Variants in CDH2 observed in about 807,000 individuals in gnomAD.
CDH2 encodes the protein cadherin 2.
In CDH2, 17 loss-of-function variants were observed where a neutral mutation model predicts 92.0. The observed-to-expected ratio is 0.18, with a 90% CI of 0.13 to 0.28. The LOEUF (loss-of-function observed/expected upper bound fraction) is 0.28, where lower values mean the gene tolerates loss of function less well. CDH2 is among the 10% of genes least tolerant of loss of function. CDH2 has a pLI of 1.00. For missense variants in CDH2, 862 were observed against 1,133.1 expected (o/e 0.76, Z 3.44); for synonymous variants, 419 against 415.9 (o/e 1.01, Z -0.09).
intron 2 of CDH2, among the ~76,000 whole-genome samples, chr18:28,066,102 T>C (rs17468601): frequency 0.024 from 3,671 of 152,284 alleles, 63 homozygotes; most frequent in East Asian, 0.053. Flanking sequence ...TGTGTCACAA[T>C]GCTCTCTGAT....
intron 2 of CDH2, among the ~76,000 whole-genome samples, chr18:28,110,614 G>A (rs1018157677): frequency 6.6e-6 from 1 of 152,108 alleles, no homozygotes. Context: ...GTGGGATCAT[G>A]AATATAGATG....
chr18:28,084,298 G>A (rs1052777116), intron 2 of CDH2, among the ~76,000 whole-genome samples: 2 of 152,054 alleles, frequency 1.3e-5, no homozygotes, highest in African/African-American at 4.8e-5. Flanking sequence ...AACACAGCAG[G>A]GAAGGGATTT....
intron 6 of CDH2, among the ~76,000 whole-genome samples, chr18:27,935,274 G>A (rs1423420915): frequency 6.6e-6 from 1 of 152,146 alleles, no homozygotes; most frequent in African/African-American, 2.4e-5. Flanking sequence ...GAGGCCTCAG[G>A]AAACTTCTAG....
At chr18:27,967,973 T>C (rs1035131570) in intron 14 of CDH2, among the ~76,000 whole-genome samples, 1 of 152,200 alleles carries the variant, frequency 6.6e-6, no homozygotes, top group Admixed American at 6.5e-5. Flanking sequence ...ATGTAGAATC[T>C]ACAGAATTGT....
Position 28,046,620 on chromosome 18 carries a change from T to C in CDH2, c.173-32711A>G, listed in dbSNP as rs527770935. ...GCAAATTTATAGAATGCATCCTGTG[T>C]AACAAGTCTTCTATGAAATTTTGTC... On this transcript the variant is annotated intron_variant, in intron 2 of 15. Coordinates refer to ENST00000269141, the MANE Select transcript of CDH2 (RefSeq NM_001792.5). 4.6e-5 allele frequency among the ~76,000 whole-genome samples: 7 copies of C among 152,306 alleles called. No individual in the cohort carries two copies. The South Asian group carries it at 1.5e-3, about 32-fold the overall frequency.
intron 2 of CDH2, among the ~76,000 whole-genome samples, chr18:28,115,911 C>T (rs922320745): frequency 2.0e-5 from 3 of 152,062 alleles, no homozygotes; most frequent in East Asian, 1.9e-4. Flanking sequence ...AAGTTTGCCA[C>T]GTTATTCTTT....
intron 2 of CDH2, among the ~76,000 whole-genome samples, chr18:28,043,890 ATTTTTTT>A (rs67532914): frequency 2.1e-4 from 19 of 91,450 alleles, no homozygotes; most frequent in South Asian, 4.1e-4. Context: ...AGAATCTCGG[ATTTTTTT>A]TTTTTTTTTT....
At chr18:28,018,338 T>C (rs1312850620) in intron 2 of CDH2, among the ~76,000 whole-genome samples, 2 of 152,050 alleles carry the variant, frequency 1.3e-5, no homozygotes, top group Non-Finnish European at 2.9e-5. Context: ...ACAAATTCAA[T>C]GCAATTCCCA....
intron 2 of CDH2, among the ~76,000 whole-genome samples, chr18:28,134,022 A>G (rs2015819569): frequency 6.6e-6 from 1 of 151,008 alleles, no homozygotes; most frequent in South Asian, 2.1e-4. Context: ...TTAGCGAGGC[A>G]TGGTGAGTCA....
chr18:28,076,361 T>G (rs2144179373), intron 2 of CDH2, among the ~76,000 whole-genome samples: 1 of 152,288 alleles, frequency 6.6e-6, no homozygotes, highest in African/African-American at 2.4e-5. Context: ...CAAGGCACTT[T>G]ACTTCACTGA....
In CDH2 at chr18:27,992,859, TCA is replaced by T; in HGVS notation, c.1159-21_1159-20del. ...CATAAAACTGCGAGAAAGACAAACC[TCA>T]GTCAGAGGAGGGGCATGGACCACTG... On this transcript the variant is annotated intron_variant, in intron 8 of 15. Transcript: ENST00000269141. The T allele has an allele frequency of 6.2e-7, 1 of 1,605,472 alleles. No individual in the cohort carries two copies. The highest frequency in any genetic ancestry group is 8.5e-7 in the Non-Finnish European group (1 of 1,173,872).
At chr18:28,104,827 T>C (rs192587566) in intron 2 of CDH2, among the ~76,000 whole-genome samples, 1 of 151,968 alleles carries the variant, frequency 6.6e-6, no homozygotes, top group Middle Eastern at 3.4e-3. Flanking sequence ...TTATGCTTAA[T>C]TCTGTTTGTG....
At chr18:27,936,493 C>T (rs1909022317) in intron 6 of CDH2, among the ~76,000 whole-genome samples, 1 of 152,042 alleles carries the variant, frequency 6.6e-6, no homozygotes, top group Non-Finnish European at 1.5e-5. Context: ...ACTTTCATAG[C>T]TGATGTATTT....
chr18:27,957,497 C>A (rs1435447242), intron 15 of CDH2, among the ~76,000 whole-genome samples: 1 of 152,082 alleles, frequency 6.6e-6, no homozygotes, highest in Non-Finnish European at 1.5e-5. Flanking sequence ...AGCGATCTGC[C>A]TGCCTGAGCC....
chr18:28,020,337 T>C (rs1266240872), intron 2 of CDH2, among the ~76,000 whole-genome samples: 2 of 152,014 alleles, frequency 1.3e-5, no homozygotes, highest in Non-Finnish European at 2.9e-5. Context: ...GTTCATAGCC[T>C]TTCAAAAAGA....
chr18:28,088,076 C>T (rs962346366), intron 2 of CDH2, among the ~76,000 whole-genome samples: 2 of 152,110 alleles, frequency 1.3e-5, no homozygotes, highest in Non-Finnish European at 2.9e-5. Context: ...AAATATTAAA[C>T]CAGACAGTAA....
At chr18:28,173,574 G>A (rs1487716843) in intron 1 of CDH2, among the ~76,000 whole-genome samples, 1 of 152,072 alleles carries the variant, frequency 6.6e-6, no homozygotes, top group Non-Finnish European at 1.5e-5. Flanking sequence ...CCTAATAGGT[G>A]AAAAACACAT....
chr18:28,135,809 A>C (rs1860642), intron 2 of CDH2, among the ~76,000 whole-genome samples: 31,315 of 152,132 alleles, frequency 0.21, 3,751 homozygotes, highest in Non-Finnish European at 0.28. Flanking sequence ...CATTTCATTA[A>C]GGTGGTCCAT....
At chr18:27,974,953 C>T (rs1367674544) in intron 14 of CDH2, among the ~76,000 whole-genome samples, 1 of 152,148 alleles carries the variant, frequency 6.6e-6, no homozygotes, top group Non-Finnish European at 1.5e-5. Flanking sequence ...ACAGACTGAA[C>T]TACTTTCTTT....
Sources: allele counts gnomAD v4.1 joint callset (sites outside exome capture counted in the v4.1 genomes callset), GRCh38; gene constraint gnomAD v4.1.1; transcripts MANE v1.5; gene names NCBI Gene and HGNC (gene_info 2026-07-23, HGNC 2026-07-21).